The following ITLN1 variants were observed in gnomAD, a reference collection of about 807,000 sequenced individuals.
The protein encoded by ITLN1 is intelectin-1.
A neutral mutation model predicts 36.2 loss-of-function variants in ITLN1; 29 were observed. The observed-to-expected ratio is 0.80, with a 90% CI of 0.60 to 1.09. The LOEUF (loss-of-function observed/expected upper bound fraction) is 1.09, where lower values mean the gene tolerates loss of function less well. ITLN1 is among the 50% of genes least tolerant of loss of function. ITLN1 has a pLI of 0.00. For synonymous variants in ITLN1, 143 were observed against 146.5 expected, an observed-to-expected ratio of 0.98 and a Z score of 0.17; for missense variants, 358 against 405.2, an observed-to-expected ratio of 0.88 and a Z score of 1.00.
intron 7 of ITLN1, 23 bp from the exon 8 acceptor site, chr1:160,876,839 G>A: frequency 6.2e-7 from 1 of 1,611,878 alleles, no homozygotes; most frequent in Middle Eastern, 1.7e-4. Context: ...GAGAGGAAGA[G>A]GCAGTAATGA....
At chr1:160,877,529 C>A (rs1670609182) in intron 7 of ITLN1, among the ~76,000 whole-genome samples, 1 of 152,208 alleles carries the variant, frequency 6.6e-6, no homozygotes. Flanking sequence ...TACACAGGAA[C>A]CTCAAGCTCC....
intron 7 of ITLN1, 149 bp from the exon 8 acceptor site, chr1:160,876,965 C>T: frequency 1.2e-6 from 1 of 838,000 alleles, no homozygotes; most frequent in Non-Finnish European, 1.8e-6. Flanking sequence ...AACCTCTCTT[C>T]CTTGGCTCAC....
At chr1:160,882,350 G>T in intron 3 of ITLN1, 146 bp from the exon 4 acceptor site, 1 of 937,720 alleles carries the variant, frequency 1.1e-6, no homozygotes, top group Non-Finnish European at 1.5e-6. Context: ...AGGGGTACTG[G>T]GGCCTCCCTG....
At chr1:160,881,119 C>T (rs1455719076) in intron 5 of ITLN1, 35 bp downstream of exon 5, 1 of 1,569,572 alleles carries the variant, frequency 6.4e-7, no homozygotes, top group African/African-American at 1.4e-5. Context: ...TCTGTACACC[C>T]ATGAAAACCA....
At chr1:160,878,986 A>G (rs1276252424) in intron 7 of ITLN1, among the ~76,000 whole-genome samples, 1 of 152,102 alleles carries the variant, frequency 6.6e-6, no homozygotes, top group African/African-American at 2.4e-5. Flanking sequence ...AGCTCTAAAG[A>G]CTTCTACACA....
chr1:160,882,226 A>C lies in ITLN1; in HGVS notation c.158-22T>G, dbSNP rs773543816. 7.7e-6 allele frequency: 12 copies of C among 1,550,060 alleles called. No homozygotes were observed. In the South Asian group the frequency reaches 1.4e-4, roughly 18 times the overall value. On this transcript the variant is annotated intron_variant, in intron 3 of 7. Transcript: ENST00000326245. ...CCATCTGTAGAGAGAACCAGCCCAGAGCCTCCCTGTCTGAGAGCTGAGGGT... is the reference window on the plus strand; with the variant it reads ...CCATCTGTAGAGAGAACCAGCCCAGCGCCTCCCTGTCTGAGAGCTGAGGGT...
chr1:160,881,343 G>C, intron 4 of ITLN1, 31 bp from the exon 5 acceptor site: 1 of 1,536,178 alleles, frequency 6.5e-7, no homozygotes, highest in Non-Finnish European at 8.8e-7. Flanking sequence ...AGCCTGACTG[G>C]GCCAGGAGGT....
intron 3 of ITLN1, among the ~76,000 whole-genome samples, chr1:160,882,777 A>T (rs1670702739): frequency 6.6e-6 from 1 of 152,214 alleles, no homozygotes; most frequent in Non-Finnish European, 1.5e-5. Context: ...ACACTAGGCA[A>T]ATTCATGGAG....
chr1:160,884,987 T>C, intron 1 of ITLN1, 74 bp downstream of exon 1: 1 of 694,966 alleles, frequency 1.4e-6, no homozygotes, highest in Non-Finnish European at 2.6e-6. Context: ...CCCTTGCCTT[T>C]TGTTTAAACT....
At chr1:160,884,464 G>C (rs1201214174) in intron 2 of ITLN1, among the ~76,000 whole-genome samples, 2 of 151,930 alleles carry the variant, frequency 1.3e-5, no homozygotes, top group Non-Finnish European at 2.9e-5. Flanking sequence ...TGTTATTCTT[G>C]TTGTAGAGAG....
intron 4 of ITLN1, among the ~76,000 whole-genome samples, 180 bp downstream of exon 4, chr1:160,881,777 G>A (rs1670682230): frequency 1.4e-5 from 2 of 146,784 alleles, no homozygotes; most frequent in Middle Eastern, 7.2e-3. Context: ...ACTCCAACCT[G>A]GGCAACAGAG....
chr1:160,883,541 G>C lies in ITLN1; in HGVS notation c.59-15C>G. The C allele has an allele frequency of 6.5e-7, 1 of 1,539,444 alleles. No individual in the cohort carries two copies. Among genetic ancestry groups the C allele is most frequent in the Non-Finnish European group, 9.0e-7 (1 of 1,112,578 alleles). On this transcript the variant is annotated splice_polypyrimidine_tract_variant and intron_variant, in intron 2 of 7. Transcript: ENST00000326245. Reference sequence around the variant, plus strand: ...ATTAGCCTCATCTAGGGAATACACAGGGTTTATTCTCATTCCCGGTTTGAC... The same window carrying C: ...ATTAGCCTCATCTAGGGAATACACACGGTTTATTCTCATTCCCGGTTTGAC...
Position 160,881,295 on chromosome 1 carries a change from G to T in ITLN1, c.423C>A (p.Asp141Glu). Residue 141 changes from aspartate (D) to glutamate (E), a missense_variant, in exon 5 of 8, where the codon GAC becomes GAA. Coordinates refer to ENST00000326245, the MANE Select transcript of ITLN1 (RefSeq NM_017625.3). ...SDDYKNPGYY[D>E]IQAKDLGIWH... The stretch of plus-strand genomic sequence containing the variant: ...AGATGCCCAGGTCCTTGGCCTGGAT[G>T]TCGTAGTAGCCAGGGTTCTGGAAAG... 1 of 1,601,518 alleles carries T rather than the reference G, an allele frequency of 6.2e-7. No homozygotes were observed. Among genetic ancestry groups the T allele is most frequent in the Non-Finnish European group, 8.5e-7 (1 of 1,173,694 alleles).
chr1:160,884,940 GC>G, intron 1 of ITLN1, 57 bp from the exon 2 acceptor site: 3 of 1,122,004 alleles, frequency 2.7e-6, no homozygotes, highest in Non-Finnish European at 2.7e-6. Context: ...CTACATCCCT[GC>G]CCCACCCCTG....
rs1250225298 is a variant in ITLN1, at chr1:160,876,801, C to T, written c.805G>A (p.Gly269Arg). 14 of 1,614,066 alleles carry T rather than the reference C, an allele frequency of 8.7e-6. No homozygotes were observed. Among genetic ancestry groups the T allele is most frequent in the Non-Finnish European group, 1.2e-5 (14 of 1,180,014 alleles). The change falls in exon 8 of 8, where the codon GGA (glycine) becomes AGA (arginine). Residue 269 changes from glycine (G) to arginine (R), a missense_variant. Physicochemically the swap from Gly to Arg is moderately radical, Grantham distance 125. Coordinates refer to ENST00000326245, the MANE Select transcript of ITLN1 (RefSeq NM_017625.3). ...CNTEHHCIGG[G>R]GYFPEASPQQ... ...GGACTGGCCTCTGGAAAGTATCCTC[C>T]TCCACCAATGCAGTGCTGGGAAACA...
rs1670670818 is a variant in ITLN1 at position 160,881,151 on chromosome 1, T to C, written c.564+3A>G. 3 of 1,605,944 alleles carry C rather than the reference T, an allele frequency of 1.9e-6. No homozygotes were observed. The highest frequency in any genetic ancestry group is 4.5e-5 in the East Asian group (2 of 44,788). ...ACCAGTCCCAGCCAGCAGCCTTCTG[T>C]ACCTGGTAGATGCCAAACAGATTAT... On this transcript the variant is annotated splice_donor_region_variant and intron_variant, in intron 5 of 7. Coordinates refer to ENST00000326245, the MANE Select transcript of ITLN1 (RefSeq NM_017625.3).
intron 4 of ITLN1, 121 bp from the exon 5 acceptor site, chr1:160,881,433 C>A: frequency 5.3e-6 from 6 of 1,124,090 alleles, no homozygotes; most frequent in Non-Finnish European, 6.1e-6. Context: ...GATGGCCAAC[C>A]ATACTCAGAC....
chr1:160,884,689 G>C lies in ITLN1; in HGVS notation c.58+131C>G, dbSNP rs373123770. On this transcript the variant is annotated intron_variant, in intron 2 of 7. Transcript: ENST00000326245. The stretch of plus-strand genomic sequence containing the variant: ...ACAGGCCAGATTCCGCCAGAGACCA[G>C]AAATCGGCACTCAGTCTACATGCAA... 3.5e-5 allele frequency: 23 copies of C among 655,142 alleles called. No homozygotes were observed. The African/African-American group carries it at 3.9e-4, about 11-fold the overall frequency. 40.6% of individuals were successfully genotyped at this position (655,142 alleles called of 1,614,324 possible).
At chr1:160,878,621 A>G (rs113243030) in intron 7 of ITLN1, among the ~76,000 whole-genome samples, 1,773 of 152,240 alleles carry the variant, frequency 0.012, 31 homozygotes, top group African/African-American at 0.041. Flanking sequence ...CCTGAACTCA[A>G]GAGATCCACC....
Sources: gnomAD v4.1 joint callset for allele counts (sites outside exome capture counted in the v4.1 genomes callset) on GRCh38, gnomAD v4.1.1 for gene constraint, MANE v1.5 for transcripts, NCBI Gene and HGNC (gene_info 2026-07-23, HGNC 2026-07-21) for gene names.